The following ABTB2 variants were observed in gnomAD, a reference collection of about 807,000 sequenced individuals.
The protein encoded by ABTB2 is ankyrin repeat and BTB domain containing 2, also known as ankyrin repeat and BTB/POZ domain-containing protein 2.
A neutral mutation model predicts 104.1 loss-of-function variants in ABTB2; 56 were observed. The observed-to-expected ratio is 0.54, with a 90% CI of 0.43 to 0.67. The LOEUF (loss-of-function observed/expected upper bound fraction) is 0.67. Among genes scored for constraint, ABTB2 ranks in the 30% least tolerant of loss-of-function variants. The pLI is 0.00. For missense variants in ABTB2, 1,279 were observed against 1,407.7 expected, an observed-to-expected ratio of 0.91 and a Z score of 1.46; for synonymous variants, 606 against 608.2, an observed-to-expected ratio of 1.00 and a Z score of 0.05.
intron 3 of ABTB2, among the ~76,000 whole-genome samples, chr11:34,174,343 A>G (rs55977270): frequency 2.1e-4 from 23 of 108,896 alleles, no homozygotes; most frequent in Admixed American, 5.0e-4. Flanking sequence ...AAAAAAAAAA[A>G]AAAAAAAGAA....
At chr11:34,155,370 C>T (rs1169071042) in intron 14 of ABTB2, among the ~76,000 whole-genome samples, 2 of 152,248 alleles carry the variant, frequency 1.3e-5, no homozygotes, top group African/African-American at 4.8e-5. Context: ...GGCCCGGAGG[C>T]CCGGAGCTCC....
At chr11:34,345,677 T>A (rs973375718) in intron 1 of ABTB2, among the ~76,000 whole-genome samples, 49 of 152,154 alleles carry the variant, frequency 3.2e-4, no homozygotes, top group African/African-American at 1.1e-3. Context: ...CCTTCTCACC[T>A]GCTACTGAAT....
At chr11:34,186,270 G>A (rs1853097245) in intron 3 of ABTB2, among the ~76,000 whole-genome samples, 1 of 152,214 alleles carries the variant, frequency 6.6e-6, no homozygotes, top group South Asian at 2.1e-4. Flanking sequence ...AAAGCGGGGA[G>A]GGGCAAGTCA....
chr11:34,349,376 G>A (rs552185693), intron 1 of ABTB2, among the ~76,000 whole-genome samples: 1 of 152,308 alleles, frequency 6.6e-6, no homozygotes, highest in East Asian at 1.9e-4. Context: ...AGCCATAACT[G>A]AGCAAGGTGC....
rs904166871 is a variant in ABTB2, at chr11:34,261,308, A to C, written c.884-56618T>G. 2.6e-5 allele frequency among the ~76,000 whole-genome samples: 4 copies of C among 152,320 alleles called. No individual in the cohort carries two copies. In the South Asian group the frequency reaches 8.3e-4, roughly 32 times the overall value. ...AGTACACAGTGTCACAGCTGTGGAC[A>C]GGAAAGATCCAGGCTTACCACAAAG... is the stretch of plus-strand genomic sequence containing the variant. On this transcript the variant is annotated intron_variant, in intron 1 of 16. Coordinates refer to ENST00000435224, the MANE Select transcript of ABTB2 (RefSeq NM_145804.3).
At chr11:34,295,919 A>G (rs553912920) in intron 1 of ABTB2, among the ~76,000 whole-genome samples, 2 of 152,120 alleles carry the variant, frequency 1.3e-5, no homozygotes, top group South Asian at 4.2e-4. Context: ...ATCTCCAAAC[A>G]CCATCACATT....
intron 3 of ABTB2, among the ~76,000 whole-genome samples, chr11:34,187,425 G>A (rs752909573): frequency 5.3e-5 from 8 of 151,828 alleles, no homozygotes; most frequent in Non-Finnish European, 1.0e-4. Context: ...GCTAAATTTC[G>A]TAGATGTCCA....
At chr11:34,163,239 T>C (rs1263171872) in intron 9 of ABTB2, among the ~76,000 whole-genome samples, 1 of 152,178 alleles carries the variant, frequency 6.6e-6, no homozygotes, top group East Asian at 1.9e-4. Flanking sequence ...CAGGTCTTTC[T>C]AAATAGCAGC....
chr11:34,258,965 CTTTATA>C (rs61090244), intron 1 of ABTB2, among the ~76,000 whole-genome samples: 22,639 of 152,036 alleles, frequency 0.15, 1,877 homozygotes, highest in South Asian at 0.2. Context: ...GGGCATATCA[CTTTATA>C]TTTATATACC....
At chr11:34,342,903 T>C (rs775734505) in intron 1 of ABTB2, among the ~76,000 whole-genome samples, 1 of 152,166 alleles carries the variant, frequency 6.6e-6, no homozygotes, top group Non-Finnish European at 1.5e-5. Flanking sequence ...TAACATCTTA[T>C]GGTGTCACTC....
chr11:34,242,212 A>G (rs1310801500), intron 1 of ABTB2, among the ~76,000 whole-genome samples: 1 of 152,172 alleles, frequency 6.6e-6, no homozygotes, highest in Non-Finnish European at 1.5e-5. Flanking sequence ...AGATCTGTGA[A>G]GTGCCTCTGG....
At chr11:34,177,145 C>T (rs922065071) in intron 3 of ABTB2, among the ~76,000 whole-genome samples, 3 of 152,200 alleles carry the variant, frequency 2.0e-5, no homozygotes, top group Admixed American at 1.3e-4. Flanking sequence ...CAAAGCACCA[C>T]GTGTGGCTAC....
chr11:34,230,189 G>A (rs1853751057), intron 1 of ABTB2, among the ~76,000 whole-genome samples: 1 of 152,238 alleles, frequency 6.6e-6, no homozygotes, highest in African/African-American at 2.4e-5. Context: ...GATGACTGCT[G>A]TGATCAGAGC....
At chr11:34,160,793 G>T in intron 11 of ABTB2, 110 bp downstream of exon 11, 1 of 1,228,902 alleles carries the variant, frequency 8.1e-7, no homozygotes, top group Non-Finnish European at 1.1e-6. Flanking sequence ...GTGTGCGTTG[G>T]GTGAGGGGGT....
chr11:34,218,804 C>T (rs1363028103), intron 1 of ABTB2, among the ~76,000 whole-genome samples: 2 of 135,228 alleles, frequency 1.5e-5, no homozygotes, highest in Non-Finnish European at 3.1e-5. Flanking sequence ...CAAGATTGCA[C>T]CATTGCATTC....
chr11:34,355,699 G>A (rs116585158), intron 1 of ABTB2, among the ~76,000 whole-genome samples: 2,504 of 152,222 alleles, frequency 0.016, 68 homozygotes, highest in African/African-American at 0.057. Flanking sequence ...AGATCGTAAG[G>A]CTGTTTAACC....
intron 1 of ABTB2, among the ~76,000 whole-genome samples, chr11:34,312,380 GT>G (rs1854867220): frequency 6.6e-6 from 1 of 152,126 alleles, no homozygotes; most frequent in Non-Finnish European, 1.5e-5. Flanking sequence ...AATTGGGCGA[GT>G]TTTCTGCACT....
At chr11:34,253,663 G>A (rs1487269092) in intron 1 of ABTB2, among the ~76,000 whole-genome samples, 1 of 148,480 alleles carries the variant, frequency 6.7e-6, no homozygotes, top group African/African-American at 2.5e-5. Context: ...GCAATAGAGC[G>A]AGATTCCGTC....
chr11:34,203,395 C>T (rs1343432930), intron 2 of ABTB2, among the ~76,000 whole-genome samples: 1 of 152,218 alleles, frequency 6.6e-6, no homozygotes, highest in Non-Finnish European at 1.5e-5. Context: ...GGACCAGGGG[C>T]TGTGTCCCTT....
Sources: gnomAD v4.1 joint callset for allele counts (sites outside exome capture counted in the v4.1 genomes callset) on GRCh38, gnomAD v4.1.1 for gene constraint, MANE v1.5 for transcripts, NCBI Gene and HGNC (gene_info 2026-07-23, HGNC 2026-07-21) for gene names.